MICU1: variants seen among roughly 807,000 people sequenced by gnomAD.
The protein encoded by MICU1 is mitochondrial calcium uptake 1.
In MICU1, 45 loss-of-function variants were observed where a neutral mutation model predicts 56.8. The ratio of observed to expected loss-of-function variants is 0.79; its 90% CI spans 0.62 to 1.02. MICU1 has a LOEUF of 1.02. Among genes scored for constraint, MICU1 ranks in the 50% least tolerant of loss-of-function variants. MICU1 has a pLI of 0.00. For missense variants in MICU1, 504 were observed against 587.1 expected, an observed-to-expected ratio of 0.86 and a Z score of 1.46; for synonymous variants, 186 against 195.1, an observed-to-expected ratio of 0.95 and a Z score of 0.39.
intron 10 of MICU1, among the ~76,000 whole-genome samples, chr10:72,399,015 C>G (rs1231233944): frequency 3.9e-5 from 6 of 152,306 alleles, no homozygotes; most frequent in Middle Eastern, 6.8e-3. Flanking sequence ...GACCAATATC[C>G]CTGATGAACA....
intron 9 of MICU1, among the ~76,000 whole-genome samples, chr10:72,422,901 G>T (rs1476349796): frequency 4.2e-5 from 1 of 23,634 alleles, no homozygotes; most frequent in East Asian, 3.2e-4. Flanking sequence ...GTAGAGATGG[G>T]GTTTCACCAT....
intron 8 of MICU1, among the ~76,000 whole-genome samples, chr10:72,448,191 A>ATTTTTTTT (rs879641500): frequency 1.3e-4 from 5 of 39,488 alleles, no homozygotes; most frequent in Non-Finnish European, 2.9e-4. Context: ...ATATATATAT[A>ATTTTTTTT]TATTTTTTTT....
At chr10:72,441,383 C>T (rs1024335970) in intron 8 of MICU1, among the ~76,000 whole-genome samples, 2 of 147,994 alleles carry the variant, frequency 1.4e-5, no homozygotes. Context: ...GGGCAGGGAA[C>T]ATCACACACC....
intron 8 of MICU1, among the ~76,000 whole-genome samples, chr10:72,436,576 G>A (rs1427411708): frequency 6.6e-6 from 1 of 152,214 alleles, no homozygotes; most frequent in African/African-American, 2.4e-5. Context: ...CGAGTTGACA[G>A]AAGTAGGCTT....
intron 1 of MICU1, among the ~76,000 whole-genome samples, chr10:72,623,553 G>C (rs760412299): frequency 1.3e-5 from 2 of 151,898 alleles, no homozygotes; most frequent in Non-Finnish European, 2.9e-5. Context: ...GACTAGCCTG[G>C]GTAGGCCAGG....
At position 72,408,025 on chromosome 10, in the gene MICU1, G is replaced by A; in HGVS notation, c.1084C>T (p.Gln362Ter). Residue 362 changes from glutamine to a stop codon, truncating the protein, a stop_gained, in exon 10 of 12, where the codon CAG (glutamine) becomes TAG (stop). Transcript: ENST00000361114. LOFTEE classifies it high-confidence loss of function. ...AAAGTAAAGAAGTTCTCCACCTCCT[G>A]AAATGTCAGACCCTGCAAGAGGAGA... ...HFKEGKGLTFQEVENFFTFLK... is the reference protein window; with the variant it reads ...HFKEGKGLTF The A allele has an allele frequency of 1.2e-6, 2 of 1,612,786 alleles. No individual in the cohort carries two copies. The highest frequency in any genetic ancestry group is 1.7e-6 in the Non-Finnish European group (2 of 1,179,034).
chr10:72,493,538 G>A (rs1866736374), intron 6 of MICU1, among the ~76,000 whole-genome samples: 1 of 152,046 alleles, frequency 6.6e-6, no homozygotes, highest in Non-Finnish European at 1.5e-5. Context: ...TCAAAGCCTT[G>A]ACCTGCTGGG....
chr10:72,413,404 G>A (rs1863887303), intron 9 of MICU1, among the ~76,000 whole-genome samples: 1 of 152,056 alleles, frequency 6.6e-6, no homozygotes, highest in Non-Finnish European at 1.5e-5. Context: ...TCACAAGCTA[G>A]GAGAAAATGC....
intron 6 of MICU1, among the ~76,000 whole-genome samples, chr10:72,505,053 A>G (rs931639095): frequency 4.0e-5 from 6 of 148,872 alleles, no homozygotes; most frequent in African/African-American, 1.5e-4. Context: ...GGCTCACTGC[A>G]ACCTCCACCT....
chr10:72,524,731 GT>G, intron 5 of MICU1: 1 of 1,231,826 alleles, frequency 8.1e-7, no homozygotes, highest in Non-Finnish European at 1.0e-6. Context: ...TGCTGAGTCA[GT>G]ACCTGCCAGA....
In MICU1 at chr10:72,494,669, T is replaced by C. The variant is rs1392042855; in HGVS notation, c.652+13486A>G. On this transcript the variant is annotated intron_variant, in intron 6 of 11. Coordinates refer to ENST00000361114, the MANE Select transcript of MICU1 (RefSeq NM_001195518.2). ...CATGTTAAGAACCCGAAAATAAAAT[T>C]AAAAAAAAAAAGAACAACAACAACA... is the stretch of plus-strand genomic sequence containing the variant. Among the ~76,000 whole-genome samples, 47 of 144,706 alleles carry C rather than the reference T, an allele frequency of 3.2e-4. 1 individual carries two copies. The highest frequency in any genetic ancestry group is 3.0e-5 in the Non-Finnish European group (2 of 65,698). 94.9% of individuals were successfully genotyped at this position (144,706 alleles called of 152,430 possible). A position where few individuals can be genotyped will look rare whatever the true frequency, so the allele number is the denominator to read the frequency against.
intron 10 of MICU1, chr10:72,379,441 C>T (rs1179805423): frequency 7.1e-6 from 2 of 282,368 alleles, no homozygotes; most frequent in Non-Finnish European, 1.5e-5. Flanking sequence ...TTAACCATTC[C>T]TTTTTCTGCA....
At chr10:72,511,909 T>C (rs945432466) in intron 5 of MICU1, among the ~76,000 whole-genome samples, 1 of 152,056 alleles carries the variant, frequency 6.6e-6, no homozygotes, top group East Asian at 1.9e-4. Context: ...CCCATCAACA[T>C]TGAGGGCAGA....
intron 1 of MICU1, among the ~76,000 whole-genome samples, chr10:72,589,990 G>A (rs1355021108): frequency 6.6e-6 from 1 of 151,816 alleles, no homozygotes; most frequent in Non-Finnish European, 1.5e-5. Context: ...TCAAGCCTGT[G>A]CAACATAGTG....
rs116371965 is a variant in MICU1, at chr10:72,456,404, C to T, written c.933+18696G>A. 7.5e-3 allele frequency among the ~76,000 whole-genome samples: 1,136 copies of T among 152,258 alleles called. 14 individuals carry two copies. The highest frequency in any genetic ancestry group is 0.026 in the African/African-American group (1,072 of 41,546). ...AGTGATGGAATGCCACTTCTAAGAT[C>T]AGATTATACAAGACAGTGTGGATTC... is the stretch of plus-strand genomic sequence containing the variant. On this transcript the variant is annotated intron_variant, in intron 8 of 11. Coordinates refer to ENST00000361114, the MANE Select transcript of MICU1 (RefSeq NM_001195518.2).
intron 1 of MICU1, among the ~76,000 whole-genome samples, chr10:72,599,726 T>C (rs1329150890): frequency 1.3e-5 from 2 of 152,136 alleles, no homozygotes; most frequent in Non-Finnish European, 2.9e-5. Flanking sequence ...CTTCCTTCCT[T>C]CCTCTTTCTT....
intron 4 of MICU1, among the ~76,000 whole-genome samples, chr10:72,549,044 G>C (rs1424508498): frequency 6.6e-6 from 1 of 152,152 alleles, no homozygotes; most frequent in African/African-American, 2.4e-5. Context: ...TTGGAGGGGT[G>C]ATGGTTCTAT....
chr10:72,487,965 G>A (rs141837995), intron 6 of MICU1, among the ~76,000 whole-genome samples: 4,166 of 152,216 alleles, frequency 0.027, 186 homozygotes, highest in African/African-American at 0.096. Context: ...GGGAGGCCAA[G>A]GCAGGTGGAT....
In MICU1 at chr10:72,529,882, C is replaced by T. The variant is rs1049775834; in HGVS notation, c.537+3864G>A. 2.7e-5 allele frequency among the ~76,000 whole-genome samples: 4 copies of T among 147,912 alleles called. No homozygotes were observed. The Admixed American group carries it at 2.7e-4, about 10-fold the overall frequency. On this transcript the variant is annotated intron_variant, in intron 5 of 11. Coordinates refer to ENST00000361114, the MANE Select transcript of MICU1 (RefSeq NM_001195518.2). Reference sequence around the variant, plus strand: ...TATAGTTTTCATTAAATAAATAATCCAAATTCATGAAATGACTGTATTGAC... The same window carrying T: ...TATAGTTTTCATTAAATAAATAATCTAAATTCATGAAATGACTGTATTGAC...
Sources: gnomAD v4.1 joint callset for allele counts (sites outside exome capture counted in the v4.1 genomes callset) on GRCh38, gnomAD v4.1.1 for gene constraint, MANE v1.5 for transcripts, NCBI Gene and HGNC (gene_info 2026-07-23, HGNC 2026-07-21) for gene names.